CNTLN: variants seen among roughly 807,000 people sequenced by gnomAD.
The protein encoded by CNTLN is centlein.
In CNTLN, 212 loss-of-function variants were observed where a neutral mutation model predicts 180.0. The ratio of observed to expected loss-of-function variants is 1.18; its 90% CI spans 1.05 to 1.32. The LOEUF is 1.32. Ranked by LOEUF, CNTLN falls within the 40% of genes most tolerant of loss-of-function variation. The pLI is 0.00. For missense variants in CNTLN, 2,095 were observed against 1,610.9 expected, an observed-to-expected ratio of 1.30 and a Z score of -5.14; for synonymous variants, 722 against 563.1, an observed-to-expected ratio of 1.28 and a Z score of -3.99.
rs569864348 is a variant in CNTLN at position 17,269,030 on chromosome 9, C to T, written c.850-4703C>T. Among the ~76,000 whole-genome samples the T allele has an allele frequency of 9.9e-4, 150 of 152,164 alleles. 1 individual carries two copies. In the South Asian group the frequency reaches 0.017, roughly 17 times the overall value. On this transcript the variant is annotated intron_variant, in intron 5 of 25. Transcript: ENST00000380647. ...GCCCTGCTCTGGCTAGCGCACGGTGCGCTGCACCCACTGTCCTGCACCCAC... is the reference window on the plus strand; with the variant it reads ...GCCCTGCTCTGGCTAGCGCACGGTGTGCTGCACCCACTGTCCTGCACCCAC...
At chr9:17,272,591 T>C (rs1587442213) in intron 5 of CNTLN, among the ~76,000 whole-genome samples, 1 of 152,182 alleles carries the variant, frequency 6.6e-6, no homozygotes, top group African/African-American at 2.4e-5. Context: ...CCCTCCCTGA[T>C]ATTTGGCAGA....
intron 18 of CNTLN, among the ~76,000 whole-genome samples, chr9:17,442,474 C>G (rs1475272243): frequency 6.6e-6 from 1 of 152,182 alleles, no homozygotes; most frequent in East Asian, 1.9e-4. Context: ...TCTCAGCTCA[C>G]TGCACCCTGC....
the CNTLN span, among the ~76,000 whole-genome samples, chr9:17,512,905 C>T: frequency 3.3e-5 from 5 of 152,180 alleles, no homozygotes; most frequent in East Asian, 9.7e-4. Context: ...CAAGCTCCGC[C>T]TCCCGGGTTC....
intron 12 of CNTLN, among the ~76,000 whole-genome samples, chr9:17,352,675 G>C (rs1209969111): frequency 6.6e-6 from 1 of 152,080 alleles, no homozygotes; most frequent in Non-Finnish European, 1.5e-5. Context: ...CACTGAAGGA[G>C]ACCCCATGCC....
chr9:17,433,030 A>AT (rs1829515955), intron 18 of CNTLN, among the ~76,000 whole-genome samples: 2 of 150,432 alleles, frequency 1.3e-5, no homozygotes, highest in South Asian at 4.3e-4. Context: ...CAAAAAAAAA[A>AT]AAAAAAAACA....
At chr9:17,507,114 T>C (rs1264984503), downstream of CNTLN, among the ~76,000 whole-genome samples, 5 of 152,178 alleles carry the variant, frequency 3.3e-5, no homozygotes, top group South Asian at 2.1e-4. Context: ...CAGTACCTGA[T>C]ACATAGTTTT....
rs1480052283 is a variant in CNTLN at position 17,366,707 on chromosome 9, GA to G, written c.1978del (p.Arg660GlufsTer42). On this transcript the variant is annotated frameshift_variant, in exon 13 of 26. Coordinates refer to ENST00000380647, the MANE Select transcript of CNTLN (RefSeq NM_017738.4). LOFTEE classifies it high-confidence loss of function. ...AAGAATTGAATAGATGTGTGGCAGA[GA>G]GAAGAGAAGGTAAATTTTCAGAAAA... The part of the protein sequence containing the change: ...IQELNRCVAE[R>X]REEQLFRSGE... 1.3e-6 allele frequency: 2 copies of G among 1,553,240 alleles called. No individual in the cohort carries two copies. The highest frequency in any genetic ancestry group is 4.6e-5 in the East Asian group (2 of 43,330).
chr9:17,313,998 T>G (rs10963027), intron 8 of CNTLN, among the ~76,000 whole-genome samples: 87,812 of 151,920 alleles, frequency 0.58, 25,801 homozygotes, highest in East Asian at 0.73. Context: ...CCTCCTGAAG[T>G]GCTAGGATTA....
chr9:17,335,287 G>A (rs1214435967), intron 10 of CNTLN, among the ~76,000 whole-genome samples: 17 of 152,194 alleles, frequency 1.1e-4, no homozygotes, highest in Non-Finnish European at 2.5e-4. Context: ...GGGAGGCCAA[G>A]CCGGGTGGAT....
chr9:17,155,379 C>A (rs1316240048), intron 2 of CNTLN, among the ~76,000 whole-genome samples: 4 of 152,166 alleles, frequency 2.6e-5, no homozygotes. Flanking sequence ...GTCCGCTGCT[C>A]TCTTTAGAGC....
At chr9:17,459,904 G>C (rs538149557) in intron 19 of CNTLN, among the ~76,000 whole-genome samples, 27 of 151,602 alleles carry the variant, frequency 1.8e-4, no homozygotes, top group Admixed American at 4.0e-4. Context: ...TGAGGGTTCG[G>C]TGAGAACTTC....
chr9:17,141,340 C>T (rs1425975324), intron 1 of CNTLN, among the ~76,000 whole-genome samples: 2 of 152,124 alleles, frequency 1.3e-5, no homozygotes, highest in East Asian at 3.9e-4. Context: ...GTTTTGGTGG[C>T]TGTGATAGTA....
At chr9:17,238,205 C>T (rs887456103) in intron 5 of CNTLN, among the ~76,000 whole-genome samples, 3 of 151,958 alleles carry the variant, frequency 2.0e-5, no homozygotes, top group African/African-American at 4.8e-5. Context: ...GTTCTACAGA[C>T]GTTGAATAAA....
chr9:17,362,190 C>A (rs1165030341), intron 12 of CNTLN, among the ~76,000 whole-genome samples: 1 of 152,192 alleles, frequency 6.6e-6, no homozygotes, highest in Non-Finnish European at 1.5e-5. Context: ...GCCCTACCTT[C>A]TGTTGGGTTA....
intron 9 of CNTLN, 128 bp from the exon 10 acceptor site, chr9:17,332,477 C>A: frequency 1.3e-6 from 1 of 798,098 alleles, no homozygotes. Flanking sequence ...CTCTGGTATT[C>A]CATGCAGGAT....
intron 2 of CNTLN, among the ~76,000 whole-genome samples, chr9:17,151,670 C>G (rs1438330719): frequency 6.6e-6 from 1 of 152,118 alleles, no homozygotes; most frequent in Non-Finnish European, 1.5e-5. Flanking sequence ...TGATGCTGGC[C>G]TCATAAAATG....
intron 2 of CNTLN, among the ~76,000 whole-genome samples, chr9:17,184,749 C>T (rs1332809820): frequency 6.6e-6 from 1 of 152,134 alleles, no homozygotes; most frequent in Non-Finnish European, 1.5e-5. Context: ...AATACTCACA[C>T]AATAACCATA....
At chr9:17,373,839 C>G (rs1251690140) in intron 13 of CNTLN, among the ~76,000 whole-genome samples, 1 of 152,094 alleles carries the variant, frequency 6.6e-6, no homozygotes, top group African/African-American at 2.4e-5. Context: ...TAATTGTTGA[C>G]AGCGTTGCCA....
intron 2 of CNTLN, among the ~76,000 whole-genome samples, chr9:17,157,605 C>T (rs1033813704): frequency 3.3e-5 from 5 of 152,162 alleles, no homozygotes; most frequent in African/African-American, 9.7e-5. Flanking sequence ...AATTGATGAA[C>T]TGAGTAAAGC....
Sources: gnomAD v4.1 joint callset for allele counts (sites outside exome capture counted in the v4.1 genomes callset) on GRCh38, gnomAD v4.1.1 for gene constraint, MANE v1.5 for transcripts, NCBI Gene and HGNC (gene_info 2026-07-23, HGNC 2026-07-21) for gene names.